CYRIA: variants seen among roughly 807,000 people sequenced by gnomAD.
CYRIA encodes CYFIP-related Rac1 interactor A.
In CYRIA, 15 loss-of-function variants were observed where a neutral mutation model predicts 43.9. That is an observed-to-expected ratio of 0.34 (90% CI 0.23 to 0.53). The LOEUF (loss-of-function observed/expected upper bound fraction) is 0.53. Ranked by LOEUF, CYRIA falls within the 20% of genes least tolerant of loss-of-function variation. CYRIA has a pLI of 0.94. For synonymous variants in CYRIA, 117 were observed against 136.0 expected (o/e 0.86, Z 0.97); for missense variants, 236 against 394.2 (o/e 0.60, Z 3.40).
intron 1 of CYRIA, among the ~76,000 whole-genome samples, chr2:16,652,948 A>G (rs1473833674): frequency 6.6e-6 from 1 of 152,144 alleles, no homozygotes; most frequent in East Asian, 1.9e-4. Context: ...CAAAGTTCCA[A>G]TGTTTATTTA....
intron 3 of CYRIA, among the ~76,000 whole-genome samples, chr2:16,579,983 T>C (rs1161276040): frequency 6.6e-6 from 1 of 151,992 alleles, no homozygotes; most frequent in Non-Finnish European, 1.5e-5. Context: ...GGTCTCACTC[T>C]AGCATCCAGA....
At chr2:16,631,150 T>C (rs912839502) in intron 1 of CYRIA, among the ~76,000 whole-genome samples, 1 of 152,260 alleles carries the variant, frequency 6.6e-6, no homozygotes, top group African/African-American at 2.4e-5. Context: ...AGCAAGCCTC[T>C]TTGGACTACT....
chr2:16,558,349 T>C (rs1009383566), intron 10 of CYRIA, among the ~76,000 whole-genome samples: 2 of 152,216 alleles, frequency 1.3e-5, no homozygotes, highest in Non-Finnish European at 2.9e-5. Flanking sequence ...ACATTTTTTA[T>C]TGATACATTA....
At chr2:16,582,169 T>C (rs1317886581) in intron 3 of CYRIA, among the ~76,000 whole-genome samples, 1 of 152,120 alleles carries the variant, frequency 6.6e-6, no homozygotes, top group African/African-American at 2.4e-5. Flanking sequence ...TTAAGATCAG[T>C]GCATCTTAGT....
chr2:16,609,174 C>T (rs1356913745), intron 2 of CYRIA, among the ~76,000 whole-genome samples: 1 of 152,196 alleles, frequency 6.6e-6, no homozygotes, highest in African/African-American at 2.4e-5. Context: ...TTTGCTCATT[C>T]AACATGGCTT....
Position 16,605,941 on chromosome 2 carries a change from T to C in CYRIA, c.-10-17812A>G, listed in dbSNP as rs1341195628. Reference sequence around the variant, plus strand: ...CCTCATCTCTCACCTCTCTGGAAGTTCCTCCTCAAGTTTCTACTTTGTCCA... The same window carrying C: ...CCTCATCTCTCACCTCTCTGGAAGTCCCTCCTCAAGTTTCTACTTTGTCCA... On this transcript the variant is annotated intron_variant, in intron 2 of 11. Coordinates refer to ENST00000381323, the MANE Select transcript of CYRIA (RefSeq NM_030797.4). Among the ~76,000 whole-genome samples, 8 of 152,162 alleles carry C rather than the reference T, an allele frequency of 5.3e-5. No homozygotes were observed. In the East Asian group the frequency reaches 1.5e-3, roughly 29 times the overall value.
chr2:16,555,169 T>C, intron 10 of CYRIA, 30 bp from the exon 11 acceptor site: 4 of 1,584,468 alleles, frequency 2.5e-6, no homozygotes, highest in Non-Finnish European at 3.5e-6. Context: ...TGTTTGTTAA[T>C]ATCTTAGTAA....
chr2:16,559,369 G>C (rs1666645363), intron 10 of CYRIA, 91 bp downstream of exon 10: 16 of 1,413,548 alleles, frequency 1.1e-5, no homozygotes, highest in Non-Finnish European at 1.4e-5. Context: ...ACTCTCAGTG[G>C]AGAGGTCCTG....
Position 16,549,774 on chromosome 2 carries a change from A to C in CYRIA, c.*3162T>G, listed in dbSNP as rs1361068517. 1.3e-5 allele frequency: 2 copies of C among 152,120 alleles called. No homozygotes were observed. Among genetic ancestry groups the C allele is most frequent in the African/African-American group, 2.4e-5 (1 of 41,440 alleles). The allele number at this position is 152,120 out of a possible 1,614,324, so 9.4% of individuals were successfully genotyped here. ...TTGGATCCTAAGATTGGGAGGCTTA[A>C]TTTTTCTTTGGGGAAAACATGAAAT... On this transcript the variant is annotated 3_prime_UTR_variant, in exon 12 of 12. Transcript: ENST00000381323.
chr2:16,579,753 A>T (rs1273161801), intron 3 of CYRIA, among the ~76,000 whole-genome samples: 2 of 152,150 alleles, frequency 1.3e-5, no homozygotes, highest in Non-Finnish European at 2.9e-5. Context: ...TTGATTTATC[A>T]GAAAAACATG....
rs1669934418 is a variant in CYRIA, at chr2:16,650,145, G to A, written c.-167+15635C>T. Among the ~76,000 whole-genome samples the A allele has an allele frequency of 6.6e-6, 1 of 152,192 alleles. No individual in the cohort carries two copies. Among genetic ancestry groups the A allele is most frequent in the Non-Finnish European group, 1.5e-5 (1 of 68,036 alleles). On this transcript the variant is annotated intron_variant, in intron 1 of 11. Coordinates refer to ENST00000381323, the MANE Select transcript of CYRIA (RefSeq NM_030797.4). This position sits in a 1 kb window ranked among gnomAD's most constrained non-coding sequence, Gnocchi z 4.1. ...CACAGCAAGACAGTCGTCGCCATCAGCCACTGAGATTTGGGGGTTATTTCT... is the reference window on the plus strand; with the variant it reads ...CACAGCAAGACAGTCGTCGCCATCAACCACTGAGATTTGGGGGTTATTTCT...
intron 1 of CYRIA, among the ~76,000 whole-genome samples, chr2:16,660,538 G>T (rs1411339417): frequency 6.6e-6 from 1 of 152,214 alleles, no homozygotes; most frequent in African/African-American, 2.4e-5. Flanking sequence ...TTCTCCCATG[G>T]AGGGAGAGCT....
intron 10 of CYRIA, 142 bp from the exon 11 acceptor site, chr2:16,555,281 A>G (rs897086824): frequency 9.4e-6 from 7 of 748,378 alleles, no homozygotes; most frequent in Admixed American, 2.2e-5. Flanking sequence ...AGGTTTTCCT[A>G]CCCCCTCAGG....
intron 11 of CYRIA, 103 bp from the exon 12 acceptor site, chr2:16,553,102 C>A (rs1476247186): frequency 3.9e-6 from 3 of 769,214 alleles, no homozygotes; most frequent in Non-Finnish European, 7.1e-6. Flanking sequence ...GGGCTTATTT[C>A]TTTAGACAAA....
intron 2 of CYRIA, among the ~76,000 whole-genome samples, chr2:16,609,324 AG>A (rs763822926): frequency 5.3e-5 from 8 of 152,204 alleles, no homozygotes; most frequent in African/African-American, 4.8e-5. Context: ...TTGTCTAAAG[AG>A]TACAGTACAA....
At chr2:16,585,239 C>T (rs1315937249) in intron 3 of CYRIA, among the ~76,000 whole-genome samples, 1 of 151,958 alleles carries the variant, frequency 6.6e-6, no homozygotes, top group Non-Finnish European at 1.5e-5. Flanking sequence ...AATTTTTTTT[C>T]CATGGAATGT....
intron 3 of CYRIA, among the ~76,000 whole-genome samples, chr2:16,576,067 C>T (rs1476877989): frequency 6.6e-6 from 1 of 152,094 alleles, no homozygotes; most frequent in Admixed American, 6.5e-5. Context: ...ATTGCCCAAT[C>T]TCGGGTATGT....
chr2:16,577,794 A>G (rs1667403286), intron 3 of CYRIA, among the ~76,000 whole-genome samples: 2 of 152,240 alleles, frequency 1.3e-5, no homozygotes, highest in Admixed American at 6.5e-5. Context: ...AGGAAAAAAG[A>G]TTTTAAGACA....
chr2:16,563,730 G>A (rs1025478569), intron 5 of CYRIA, among the ~76,000 whole-genome samples: 2 of 152,032 alleles, frequency 1.3e-5, no homozygotes, highest in African/African-American at 4.8e-5. Context: ...ATTAAGAATT[G>A]GACACAGATG....
Sources: gnomAD v4.1 joint callset for allele counts (sites outside exome capture counted in the v4.1 genomes callset) on GRCh38, gnomAD v4.1.1 for gene constraint, Gnocchi (gnomAD v3.1) non-coding constraint, MANE v1.5 for transcripts, NCBI Gene and HGNC (gene_info 2026-07-23, HGNC 2026-07-21) for gene names.